The following GPM6A variants were observed in gnomAD, a reference collection of about 807,000 sequenced individuals.
GPM6A encodes neuronal membrane glycoprotein M6-a.
In GPM6A, 7 loss-of-function variants were observed where a neutral mutation model predicts 32.1. That is an observed-to-expected ratio of 0.22 (90% CI 0.12 to 0.41). The LOEUF (loss-of-function observed/expected upper bound fraction) is 0.41, where lower values mean the gene tolerates loss of function less well. Ranked by LOEUF, GPM6A falls within the 10% of genes least tolerant of loss-of-function variation. The pLI is 1.00. For missense variants in GPM6A, 235 were observed against 347.2 expected, an observed-to-expected ratio of 0.68 and a Z score of 2.57; for synonymous variants, 130 against 123.4, an observed-to-expected ratio of 1.05 and a Z score of -0.35.
At chr4:175,682,158 C>T (rs1743724289) in intron 2 of GPM6A, among the ~76,000 whole-genome samples, 1 of 152,104 alleles carries the variant, frequency 6.6e-6, no homozygotes, top group Non-Finnish European at 1.5e-5. Context: ...AAGAACTTGG[C>T]TGCATTTTGT....
chr4:175,747,842 C>T (rs1579454927), intron 1 of GPM6A, among the ~76,000 whole-genome samples: 1 of 152,170 alleles, frequency 6.6e-6, no homozygotes, highest in African/African-American at 2.4e-5. Flanking sequence ...CTCTGTAGCA[C>T]ATGATACTGT....
intron 2 of GPM6A, among the ~76,000 whole-genome samples, chr4:175,694,123 T>C (rs1223956662): frequency 6.6e-6 from 1 of 152,194 alleles, no homozygotes; most frequent in African/African-American, 2.4e-5. Flanking sequence ...CCTGCAGAAC[T>C]GTGAGTCAAT....
chr4:175,755,415 T>C (rs967834652), intron 1 of GPM6A, among the ~76,000 whole-genome samples: 1 of 152,190 alleles, frequency 6.6e-6, no homozygotes, highest in Admixed American at 6.5e-5. Context: ...ATTTACCTTA[T>C]AGCTTTCAAG....
chr4:175,897,350 A>C (rs115467630), intron 1 of GPM6A, among the ~76,000 whole-genome samples: 1 of 152,128 alleles, frequency 6.6e-6, no homozygotes, highest in African/African-American at 2.4e-5. Context: ...CCACTCTCCA[A>C]TCTCACTCCA....
intron 1 of GPM6A, among the ~76,000 whole-genome samples, chr4:175,908,766 C>T (rs963318554): frequency 2.6e-5 from 4 of 151,984 alleles, no homozygotes; most frequent in African/African-American, 9.7e-5. Flanking sequence ...TATTTCACAT[C>T]AACTAAAAAT....
chr4:175,886,036 A>C (rs981877430), intron 1 of GPM6A, among the ~76,000 whole-genome samples: 1 of 152,176 alleles, frequency 6.6e-6, no homozygotes, highest in African/African-American at 2.4e-5. Context: ...CAGAATAAAG[A>C]GATTCTATAT....
chr4:175,840,453 G>A (rs1735900168), intron 1 of GPM6A, among the ~76,000 whole-genome samples: 1 of 152,130 alleles, frequency 6.6e-6, no homozygotes, highest in Non-Finnish European at 1.5e-5. Flanking sequence ...CGAGGCGGAC[G>A]GATCACCTGA....
At chr4:175,893,449 G>A (rs962828661) in intron 1 of GPM6A, among the ~76,000 whole-genome samples, 1 of 152,098 alleles carries the variant, frequency 6.6e-6, no homozygotes, top group Non-Finnish European at 1.5e-5. Flanking sequence ...AAAGCATGGA[G>A]TACCTAAAAT....
intron 1 of GPM6A, among the ~76,000 whole-genome samples, chr4:175,748,020 C>G (rs2111181754): frequency 6.6e-6 from 1 of 152,276 alleles, no homozygotes; most frequent in Non-Finnish European, 1.5e-5. Context: ...AGAAGCAACT[C>G]TTCATCCACT....
chr4:175,649,451 G>A (rs1318140629), intron 4 of GPM6A, among the ~76,000 whole-genome samples: 1 of 152,068 alleles, frequency 6.6e-6, no homozygotes, highest in Non-Finnish European at 1.5e-5. Context: ...AAACAAACTT[G>A]GGGAAATTTT....
At chr4:175,663,449 G>T (rs79196027) in intron 3 of GPM6A, among the ~76,000 whole-genome samples, 7,427 of 152,140 alleles carry the variant, frequency 0.049, 199 homozygotes, top group Non-Finnish European at 0.061. Flanking sequence ...AAGTTAAGAG[G>T]TCTATTGTAC....
intron 1 of GPM6A, among the ~76,000 whole-genome samples, chr4:175,884,105 T>G (rs1737368549): frequency 1.3e-5 from 2 of 152,140 alleles, no homozygotes; most frequent in Non-Finnish European, 1.5e-5. Context: ...ACTTTGCTGA[T>G]AAAACATACG....
chr4:175,740,768 A>C (rs1393981778), intron 1 of GPM6A, among the ~76,000 whole-genome samples: 1 of 152,104 alleles, frequency 6.6e-6, no homozygotes, highest in Non-Finnish European at 1.5e-5. Context: ...TCTCACAAAA[A>C]GTTGCAAAAT....
intron 1 of GPM6A, among the ~76,000 whole-genome samples, chr4:175,836,470 T>C (rs1735771462): frequency 2.0e-5 from 3 of 152,154 alleles, no homozygotes; most frequent in Non-Finnish European, 4.4e-5. Context: ...AACCACATTG[T>C]ATGATACATA....
chr4:175,856,260 G>A (rs568527856), intron 1 of GPM6A, among the ~76,000 whole-genome samples: 35 of 152,236 alleles, frequency 2.3e-4, no homozygotes, highest in South Asian at 4.1e-4. Context: ...CAAATATACC[G>A]TACTGAGATG....
At chr4:175,869,345 T>G (rs1736832832) in intron 1 of GPM6A, among the ~76,000 whole-genome samples, 1 of 152,214 alleles carries the variant, frequency 6.6e-6, no homozygotes, top group Non-Finnish European at 1.5e-5. Flanking sequence ...TCAAAAGTCT[T>G]TTCTTTATAA....
intron 1 of GPM6A, among the ~76,000 whole-genome samples, chr4:175,953,992 T>TA (rs1219701372): frequency 6.6e-6 from 1 of 152,196 alleles, no homozygotes; most frequent in Non-Finnish European, 1.5e-5. Context: ...ATCTTTTTTT[T>TA]ACAGTCCTGA....
At chr4:175,964,827 G>T (rs1052184002) in intron 1 of GPM6A, among the ~76,000 whole-genome samples, 1 of 152,072 alleles carries the variant, frequency 6.6e-6, no homozygotes. Flanking sequence ...AGGTTATCAC[G>T]GATAAAGAGA....
At chr4:175,730,243 T>A (rs1731358707) in intron 1 of GPM6A, among the ~76,000 whole-genome samples, 1 of 152,098 alleles carries the variant, frequency 6.6e-6, no homozygotes, top group South Asian at 2.1e-4. Flanking sequence ...CTTTTATTTA[T>A]GTATTTATTT....
Sources: allele counts gnomAD v4.1 joint callset (sites outside exome capture counted in the v4.1 genomes callset), GRCh38; gene constraint gnomAD v4.1.1; transcripts MANE v1.5; gene names NCBI Gene and HGNC (gene_info 2026-07-23, HGNC 2026-07-21).